Variants in CD247 observed in about 807,000 individuals in gnomAD.
CD247 encodes T-cell surface glycoprotein CD3 zeta chain.
Under a neutral mutation model 30.0 loss-of-function variants are expected in CD247, and 13 were observed. That is an observed-to-expected ratio of 0.43 (90% CI 0.28 to 0.69). The LOEUF (loss-of-function observed/expected upper bound fraction) is 0.69, where lower values mean the gene tolerates loss of function less well. Ranked by LOEUF, CD247 falls within the 30% of genes least tolerant of loss-of-function variation. The pLI is 0.16. For missense variants in CD247, 193 were observed against 212.6 expected (o/e 0.91, Z 0.57); for synonymous variants, 72 against 80.0 (o/e 0.90, Z 0.53).
At chr1:167,491,211 G>A (rs982017606) in intron 1 of CD247, among the ~76,000 whole-genome samples, 1 of 152,136 alleles carries the variant, frequency 6.6e-6, no homozygotes, top group Non-Finnish European at 1.5e-5. Context: ...GTGCACTGTG[G>A]GCGGAAAGGT....
At chr1:167,515,226 C>T (rs1301351579) in intron 1 of CD247, among the ~76,000 whole-genome samples, 1 of 152,180 alleles carries the variant, frequency 6.6e-6, no homozygotes, top group African/African-American at 2.4e-5. Context: ...ATTCACCTCC[C>T]AGCAATTTTA....
At chr1:167,439,224 G>T in intron 3 of CD247, 120 bp downstream of exon 3, 3 of 854,304 alleles carry the variant, frequency 3.5e-6, no homozygotes, top group Non-Finnish European at 6.1e-6. Context: ...GTTGCAGCCG[G>T]GTCGCAGAGG....
intron 1 of CD247, among the ~76,000 whole-genome samples, chr1:167,451,395 C>T (rs556429090): frequency 2.3e-4 from 35 of 152,266 alleles, no homozygotes; most frequent in East Asian, 3.9e-4. Flanking sequence ...GGAGATGCCC[C>T]GGCAAGCCCC....
At chr1:167,486,271 C>A (rs77482501) in intron 1 of CD247, among the ~76,000 whole-genome samples, 2 of 152,170 alleles carry the variant, frequency 1.3e-5, no homozygotes, top group African/African-American at 4.8e-5. Flanking sequence ...AGGACCTGCC[C>A]GAATCACCAC....
intron 1 of CD247, among the ~76,000 whole-genome samples, chr1:167,487,290 C>T (rs1336482411): frequency 2.6e-5 from 4 of 151,924 alleles, no homozygotes; most frequent in Admixed American, 6.6e-5. Flanking sequence ...GGCAGAGAAT[C>T]GCTTGAATTC....
In CD247 at chr1:167,518,502, G is replaced by C. The variant is rs1490821143; in HGVS notation, c.-37C>G. 6.3e-7 allele frequency: 1 copy of C among 1,592,016 alleles called. No individual in the cohort carries two copies. The highest frequency in any genetic ancestry group is 1.3e-5 in the African/African-American group (1 of 74,558). The stretch of plus-strand genomic sequence containing the variant: ...CCTCAGAAAGAGGCTGGGAGGCAGA[G>C]GCTGAGGCAGCGGTGGCCGGGACGG... On this transcript the variant is annotated 5_prime_UTR_variant, in exon 1 of 8. Transcript: ENST00000362089.
intron 1 of CD247, among the ~76,000 whole-genome samples, chr1:167,496,293 G>C (rs1272247078): frequency 6.6e-6 from 1 of 151,982 alleles, no homozygotes; most frequent in Non-Finnish European, 1.5e-5. Context: ...ATTCATCAAA[G>C]AAGCTATCGA....
chr1:167,432,441 T>C (rs1651316258), intron 7 of CD247, among the ~76,000 whole-genome samples: 1 of 152,162 alleles, frequency 6.6e-6, no homozygotes, highest in South Asian at 2.1e-4. Context: ...AAGAACGAGC[T>C]ATGAACAGCC....
intron 5 of CD247, chr1:167,434,757 G>T: frequency 2.2e-6 from 1 of 454,426 alleles, no homozygotes; most frequent in Non-Finnish European, 4.4e-6. Flanking sequence ...GGGGAGGGAA[G>T]GGAGATTACT....
chr1:167,504,391 AGAAAATACACT>A (rs1441252868), intron 1 of CD247, among the ~76,000 whole-genome samples: 12 of 152,264 alleles, frequency 7.9e-5, no homozygotes, highest in Non-Finnish European at 1.8e-4. Flanking sequence ...TCGCTTGCTC[AGAAAATACACT>A]GAAAGTGAAT....
rs1571525359 is a variant in CD247, at chr1:167,448,472, G to C, written c.59-7705C>G. 1.6e-5 allele frequency: 16 copies of C among 985,278 alleles called. No individual in the cohort carries two copies. The South Asian group carries it at 3.3e-4, about 20-fold the overall frequency. 61.0% of individuals were successfully genotyped at this position (985,278 alleles called of 1,614,324 possible). A position where few individuals can be genotyped will look rare whatever the true frequency, so the allele number is the denominator to read the frequency against. On this transcript the variant is annotated intron_variant, in intron 1 of 7. Transcript: ENST00000362089. Reference sequence around the variant, plus strand: ...TCTACAATTAGCTTTCTTTCATTGAGGGCTGAGAGGCCGGCCTGGGGGGTT... The same window carrying C: ...TCTACAATTAGCTTTCTTTCATTGACGGCTGAGAGGCCGGCCTGGGGGGTT...
intron 1 of CD247, among the ~76,000 whole-genome samples, chr1:167,486,407 G>A (rs1045336037): frequency 2.0e-5 from 3 of 152,196 alleles, no homozygotes; most frequent in Admixed American, 6.5e-5. Flanking sequence ...GGACAATTTC[G>A]GAGTGTTGTT....
chr1:167,479,802 T>C (rs1026507566), intron 1 of CD247, among the ~76,000 whole-genome samples: 2 of 152,188 alleles, frequency 1.3e-5, no homozygotes, highest in African/African-American at 4.8e-5. Context: ...TACCCATTGG[T>C]TGAGGTTGCT....
At chr1:167,435,466 A>G in intron 4 of CD247, 32 bp from the exon 5 acceptor site, 1 of 1,588,170 alleles carries the variant, frequency 6.3e-7, no homozygotes, top group Non-Finnish European at 8.6e-7. Context: ...CGTTAGAGGG[A>G]GAGAAACACA....
chr1:167,514,781 A>G lies in CD247; in HGVS notation c.58+3627T>C, dbSNP rs34658477. 2.2e-3 allele frequency among the ~76,000 whole-genome samples: 329 copies of G among 152,312 alleles called. 3 individuals carry two copies. Among genetic ancestry groups the G allele is most frequent in the African/African-American group, 7.4e-3 (306 of 41,568 alleles). ...ATATAAGGTCCTAAGCCTTAGATAA[A>G]TAAGGCTTGGGAGAAACGATTCCCA... is the stretch of plus-strand genomic sequence containing the variant. On this transcript the variant is annotated intron_variant, in intron 1 of 7. Transcript: ENST00000362089.
At chr1:167,472,081 G>A (rs376033354) in intron 1 of CD247, among the ~76,000 whole-genome samples, 7 of 151,868 alleles carry the variant, frequency 4.6e-5, no homozygotes, top group South Asian at 2.1e-4. Context: ...TGATCCACTC[G>A]CCTCAGCCTC....
intron 2 of CD247, 186 bp from the exon 3 acceptor site, chr1:167,439,586 A>T (rs1025806131): frequency 3.3e-6 from 2 of 609,896 alleles, no homozygotes; most frequent in Admixed American, 2.8e-5. Flanking sequence ...TTCTGAGCCC[A>T]GTTGTCCTTT....
chr1:167,439,493 T>A, intron 2 of CD247, 93 bp from the exon 3 acceptor site: 1 of 1,105,050 alleles, frequency 9.0e-7, no homozygotes, highest in Non-Finnish European at 1.4e-6. Context: ...GGGACAGCCC[T>A]ACTCCGCTCC....
At chr1:167,483,457 G>C (rs1344409105) in intron 1 of CD247, among the ~76,000 whole-genome samples, 1 of 152,020 alleles carries the variant, frequency 6.6e-6, no homozygotes, top group Non-Finnish European at 1.5e-5. Context: ...TGAAGATTCT[G>C]ATATTTTGTT....
Sources: gnomAD v4.1 joint callset for allele counts (sites outside exome capture counted in the v4.1 genomes callset) on GRCh38, gnomAD v4.1.1 for gene constraint, MANE v1.5 for transcripts, NCBI Gene and HGNC (gene_info 2026-07-23, HGNC 2026-07-21) for gene names.